KPNA1: variants seen among roughly 807,000 people sequenced by gnomAD.
The protein encoded by KPNA1 is importin subunit alpha-5.
Under a neutral mutation model 70.5 loss-of-function variants are expected in KPNA1, and 10 were observed. The ratio of observed to expected loss-of-function variants is 0.14; its 90% CI spans 0.09 to 0.24. The LOEUF is 0.24. KPNA1 is among the 10% of genes least tolerant of loss of function. The probability of loss-of-function intolerance (pLI) is 1.00; values close to 1 mark genes in which losing one functional copy is unlikely to be tolerated. For missense variants in KPNA1, 397 were observed against 637.9 expected, an observed-to-expected ratio of 0.62 and a Z score of 4.07; for synonymous variants, 192 against 221.9, an observed-to-expected ratio of 0.87 and a Z score of 1.20.
At position 122,424,504 on chromosome 3, in the gene KPNA1, G is replaced by C. The variant is rs903288931; in HGVS notation, c.*2481C>G. ...TTGTTAAAAAAGAAAAAAAAACTTA[G>C]ATCTTATAGTTCATGAACTTCTAGG... On this transcript the variant is annotated 3_prime_UTR_variant, in exon 14 of 14. Transcript: ENST00000344337. 3.9e-5 allele frequency: 6 copies of C among 152,436 alleles called. No homozygotes were observed. The highest frequency in any genetic ancestry group is 7.4e-5 in the Non-Finnish European group (5 of 68,014). 9.4% of individuals were successfully genotyped at this position (152,436 alleles called of 1,614,324 possible). A position where few individuals can be genotyped will look rare whatever the true frequency, so the allele number is the denominator to read the frequency against.
chr3:122,452,402 G>A (rs750615206), intron 6 of KPNA1, among the ~76,000 whole-genome samples: 1 of 151,178 alleles, frequency 6.6e-6, no homozygotes, highest in Non-Finnish European at 1.5e-5. Flanking sequence ...CCAGCTGCTT[G>A]AGAGGCTGAG....
rs189731647 is a variant in KPNA1 at position 122,443,647 on chromosome 3, G to A, written c.918-1531C>T. ...CAAAAGAGAGAAATTTTACACCTGA[G>A]TCTCCGGGGGTGACATCACATGTCG... On this transcript the variant is annotated intron_variant, in intron 9 of 13. Transcript: ENST00000344337. Among the ~76,000 whole-genome samples the A allele has an allele frequency of 2.6e-5, 4 of 152,272 alleles. No individual in the cohort carries two copies. The East Asian group carries it at 7.7e-4, about 29-fold the overall frequency.
intron 3 of KPNA1, among the ~76,000 whole-genome samples, chr3:122,465,920 A>G (rs1397736306): frequency 6.6e-6 from 1 of 152,238 alleles, no homozygotes; most frequent in East Asian, 1.9e-4. Flanking sequence ...CACACTTGCC[A>G]GCTCCCAAAG....
chr3:122,511,840 C>T (rs1489787563), intron 1 of KPNA1, among the ~76,000 whole-genome samples: 2 of 152,224 alleles, frequency 1.3e-5, no homozygotes, highest in African/African-American at 4.8e-5. Context: ...ACACAGTACT[C>T]ATACATCTAA....
At chr3:122,450,096 C>CA (rs956934328) in intron 8 of KPNA1, among the ~76,000 whole-genome samples, 1 of 151,982 alleles carries the variant, frequency 6.6e-6, no homozygotes, top group African/African-American at 2.4e-5. Flanking sequence ...TGTTAAAGAC[C>CA]AAAAATGCTA....
intron 9 of KPNA1, among the ~76,000 whole-genome samples, chr3:122,444,916 C>T (rs758608057): frequency 6.6e-6 from 1 of 152,112 alleles, no homozygotes; most frequent in Non-Finnish European, 1.5e-5. Context: ...TATCGAAGAC[C>T]AAAGGTAGAT....
Position 122,460,201 on chromosome 3 carries a change from GACTC to G in KPNA1, c.432+1019_432+1022del, listed in dbSNP as rs2076308500. 46 of 985,336 alleles carry G rather than the reference GACTC, an allele frequency of 4.7e-5. No homozygotes were observed. The Admixed American group carries it at 2.4e-3, about 51-fold the overall frequency. 61.0% of individuals were successfully genotyped at this position (985,336 alleles called of 1,614,324 possible). On this transcript the variant is annotated intron_variant, in intron 5 of 13. Coordinates refer to ENST00000344337, the MANE Select transcript of KPNA1 (RefSeq NM_002264.4). ...TGTATTTGTAACTAATAAAGGCACT[GACTC>G]AGTTGGTTACTCCAGGGAAGTTTAC...
chr3:122,430,089 T>C (rs1441714360), intron 12 of KPNA1, among the ~76,000 whole-genome samples: 1 of 152,044 alleles, frequency 6.6e-6, no homozygotes, highest in South Asian at 2.1e-4. Context: ...AATTCTTCAG[T>C]GCTGGGAATC....
At chr3:122,490,611 C>A (rs114433626) in intron 2 of KPNA1, among the ~76,000 whole-genome samples, 2,624 of 152,214 alleles carry the variant, frequency 0.017, 40 homozygotes, top group Middle Eastern at 0.041. Flanking sequence ...CAGAAAACTT[C>A]TTTGCTTTAT....
chr3:122,455,994 G>A (rs947720049), intron 5 of KPNA1, among the ~76,000 whole-genome samples: 1 of 152,056 alleles, frequency 6.6e-6, no homozygotes, highest in East Asian at 1.9e-4. Context: ...CTAATGACTC[G>A]AGTAATGTTA....
At chr3:122,463,183 C>T (rs1456978352) in intron 4 of KPNA1, among the ~76,000 whole-genome samples, 1 of 152,048 alleles carries the variant, frequency 6.6e-6, no homozygotes, top group Admixed American at 6.5e-5. Flanking sequence ...ACCGTCTCTA[C>T]TAAAAATACA....
chr3:122,442,194 A>T (rs2076072705), intron 9 of KPNA1, 78 bp from the exon 10 acceptor site: 1 of 1,141,944 alleles, frequency 8.8e-7, no homozygotes, highest in South Asian at 1.3e-5. Flanking sequence ...AAATTAAAAA[A>T]CAAAAAAATT....
At chr3:122,483,672 G>A (rs966197984) in intron 2 of KPNA1, among the ~76,000 whole-genome samples, 1 of 152,130 alleles carries the variant, frequency 6.6e-6, no homozygotes, top group Non-Finnish European at 1.5e-5. Context: ...AAACTATTTT[G>A]TAAATATAAG....
rs544580988 is a variant in KPNA1, at chr3:122,464,820, C to A, written c.238-779G>T. Among the ~76,000 whole-genome samples, 4 of 152,186 alleles carry A rather than the reference C, an allele frequency of 2.6e-5. No homozygotes were observed. The South Asian group carries it at 6.2e-4, about 24-fold the overall frequency. On this transcript the variant is annotated intron_variant, in intron 3 of 13. Transcript: ENST00000344337. Reference sequence around the variant, plus strand: ...TTATTTCATGAAGGGTAGCAGTCAACAAGATGAATTGTGAAGAAAGCTGCA... The same window carrying A: ...TTATTTCATGAAGGGTAGCAGTCAAAAAGATGAATTGTGAAGAAAGCTGCA...
At chr3:122,486,526 TCA>T (rs2076630753) in intron 2 of KPNA1, among the ~76,000 whole-genome samples, 1 of 152,178 alleles carries the variant, frequency 6.6e-6, no homozygotes, top group African/African-American at 2.4e-5. Context: ...GTGATGGTTT[TCA>T]CAGACTGTCA....
At chr3:122,452,627 G>GGAGGGAGGAGA (rs2076219485) in intron 6 of KPNA1, among the ~76,000 whole-genome samples, 1 of 93,144 alleles carries the variant, frequency 1.1e-5, no homozygotes, top group African/African-American at 4.1e-5. Flanking sequence ...GGGAAAGGAG[G>GGAGGGAGGAGA]GAGGGAGGAG....
chr3:122,452,431 C>T (rs2076212168), intron 6 of KPNA1, among the ~76,000 whole-genome samples: 1 of 150,036 alleles, frequency 6.7e-6, no homozygotes, highest in South Asian at 2.1e-4. Context: ...ACTGCTTGAA[C>T]CTGACAGGCC....
chr3:122,456,762 G>A (rs2076269093), intron 5 of KPNA1, among the ~76,000 whole-genome samples: 2 of 152,206 alleles, frequency 1.3e-5, no homozygotes, highest in Admixed American at 1.3e-4. Context: ...AGTACACAAT[G>A]ATGATAACCT....
intron 9 of KPNA1, among the ~76,000 whole-genome samples, chr3:122,446,265 A>C (rs1028299557): frequency 2.0e-5 from 3 of 152,194 alleles, no homozygotes; most frequent in Non-Finnish European, 2.9e-5. Context: ...TGACCACATA[A>C]TTGGAAGTAA....
Sources: allele counts gnomAD v4.1 joint callset (sites outside exome capture counted in the v4.1 genomes callset), GRCh38; gene constraint gnomAD v4.1.1; transcripts MANE v1.5; gene names NCBI Gene and HGNC (gene_info 2026-07-23, HGNC 2026-07-21).